Variants in PRDM16 observed in about 807,000 individuals in gnomAD.
The protein encoded by PRDM16 is PR/SET domain 16.
Under a neutral mutation model 110.6 loss-of-function variants are expected in PRDM16, and 23 were observed. That is an observed-to-expected ratio of 0.21 (90% CI 0.15 to 0.29). The LOEUF is 0.29. Among genes scored for constraint, PRDM16 ranks in the 10% least tolerant of loss-of-function variants. The pLI, the probability that PRDM16 is intolerant of heterozygous loss-of-function variation, is 1.00. For synonymous variants in PRDM16, 799 were observed against 781.8 expected, an observed-to-expected ratio of 1.02 and a Z score of -0.37; for missense variants, 1,615 against 1,794.3, an observed-to-expected ratio of 0.90 and a Z score of 1.81.
chr1:3,117,974 CTG>C (rs1229348245), intron 1 of PRDM16, among the ~76,000 whole-genome samples: 8 of 151,888 alleles, frequency 5.3e-5, no homozygotes, highest in Admixed American at 2.0e-4. Context: ...CATGCTCATG[CTG>C]TGTGTGTGTA....
At chr1:3,094,815 C>T (rs1231162757) in intron 1 of PRDM16, among the ~76,000 whole-genome samples, 2 of 152,148 alleles carry the variant, frequency 1.3e-5, no homozygotes, top group African/African-American at 2.4e-5. Context: ...GGAGGTGGGG[C>T]CTTGTCCCTG....
chr1:3,410,448 C>G (rs1049864805), intron 8 of PRDM16, among the ~76,000 whole-genome samples: 1 of 152,182 alleles, frequency 6.6e-6, no homozygotes, highest in African/African-American at 2.4e-5. Context: ...GGAATAGTCC[C>G]TCTGCATAGG....
intron 1 of PRDM16, among the ~76,000 whole-genome samples, chr1:3,173,133 G>C (rs757942069): frequency 6.6e-6 from 1 of 152,216 alleles, no homozygotes; most frequent in South Asian, 2.1e-4. Flanking sequence ...GGGCCAGGGA[G>C]CCTCGGCTGT....
At chr1:3,234,722 C>T (rs1295870554) in intron 2 of PRDM16, among the ~76,000 whole-genome samples, 2 of 152,220 alleles carry the variant, frequency 1.3e-5, no homozygotes, top group South Asian at 2.1e-4. Flanking sequence ...TGTAGCAGCT[C>T]GGTAAATTCT....
intron 2 of PRDM16, among the ~76,000 whole-genome samples, chr1:3,233,184 A>G (rs1446755647): frequency 2.0e-5 from 3 of 152,200 alleles, no homozygotes; most frequent in Non-Finnish European, 4.4e-5. Context: ...AGCCTCCAGC[A>G]GCTGCCCCCT....
At chr1:3,250,013 C>T (rs1268284508) in intron 3 of PRDM16, among the ~76,000 whole-genome samples, 1 of 152,226 alleles carries the variant, frequency 6.6e-6, no homozygotes, top group Non-Finnish European at 1.5e-5. Context: ...GCACCGCCCA[C>T]ACCATCCCCT....
chr1:3,355,995 C>T (rs1049234294), intron 3 of PRDM16, among the ~76,000 whole-genome samples: 2 of 152,174 alleles, frequency 1.3e-5, no homozygotes, highest in East Asian at 1.9e-4. Flanking sequence ...TGATGAGTGG[C>T]CCGTTGGTGA....
At chr1:3,072,729 G>T (rs911405630) in intron 1 of PRDM16, among the ~76,000 whole-genome samples, 2 of 152,218 alleles carry the variant, frequency 1.3e-5, no homozygotes, top group Non-Finnish European at 2.9e-5. Flanking sequence ...TCTGAAGGCC[G>T]GTTAGGGCAG....
At chr1:3,385,362 G>A (rs1643178431) in intron 4 of PRDM16, 76 bp downstream of exon 4, 4 of 1,530,462 alleles carry the variant, frequency 2.6e-6, no homozygotes, top group Non-Finnish European at 3.6e-6. Context: ...ATTGGTGGAG[G>A]TGCCGAGGCA....
intron 2 of PRDM16, among the ~76,000 whole-genome samples, chr1:3,217,831 T>C (rs1247729109): frequency 6.6e-6 from 1 of 152,202 alleles, no homozygotes; most frequent in African/African-American, 2.4e-5. Context: ...CTAGAAGTAT[T>C]CGGGATGCCG....
In PRDM16 at chr1:3,402,981, G is replaced by A. The variant is rs375991356; in HGVS notation, c.867G>A (p.Met289Ile). The change falls in exon 6 of 17, where the codon ATG becomes ATA. Residue 289 changes from methionine to isoleucine, a missense_variant. Physicochemically the swap from Met to Ile is conservative, Grantham distance 10 (BLOSUM62 1). Transcript: ENST00000270722. ...ACGAGTGCAAGGACTGCGAGCGGAT[G>A]TTCCCCAACAAGTACAGGTGCCACG... The part of the protein sequence containing the change: ...QAHECKDCER[M>I]FPNKYSLEQH... The A allele has an allele frequency of 3.1e-6, 5 of 1,608,174 alleles. No individual in the cohort carries two copies. Among genetic ancestry groups the A allele is most frequent in the Non-Finnish European group, 4.2e-6 (5 of 1,178,498 alleles).
chr1:3,277,763 A>G (rs796495402), intron 3 of PRDM16, among the ~76,000 whole-genome samples: 8 of 139,078 alleles, frequency 5.8e-5, no homozygotes, highest in African/African-American at 2.2e-4. Flanking sequence ...ACATGCACAC[A>G]CGCGCACACA....
chr1:3,074,052 G>A lies in PRDM16; in HGVS notation c.37+4756G>A, dbSNP rs1413016060. On this transcript the variant is annotated intron_variant, in intron 1 of 16. Coordinates refer to ENST00000270722, the MANE Select transcript of PRDM16 (RefSeq NM_022114.4). Reference sequence around the variant, plus strand: ...GTAGGGGGAGGGAAGACGGTGCAGAGAAACGGAGGCAGAGGGTGGGGGTCT... The same window carrying A: ...GTAGGGGGAGGGAAGACGGTGCAGAAAAACGGAGGCAGAGGGTGGGGGTCT... 4.6e-5 allele frequency among the ~76,000 whole-genome samples: 7 copies of A among 152,336 alleles called. No individual in the cohort carries two copies. In the East Asian group the frequency reaches 1.4e-3, roughly 30 times the overall value.
chr1:3,075,006 C>A (rs1395559638), intron 1 of PRDM16, among the ~76,000 whole-genome samples: 1 of 152,244 alleles, frequency 6.6e-6, no homozygotes, highest in Non-Finnish European at 1.5e-5. Flanking sequence ...TTGGTGGGCC[C>A]AGAGCAGGGG....
intron 3 of PRDM16, among the ~76,000 whole-genome samples, chr1:3,328,367 G>A (rs1641967308): frequency 6.6e-6 from 1 of 152,248 alleles, no homozygotes; most frequent in Non-Finnish European, 1.5e-5. Flanking sequence ...GTGACAACCA[G>A]AGCTATCTCC....
At chr1:3,196,499 T>G (rs1259475731) in intron 2 of PRDM16, among the ~76,000 whole-genome samples, 1 of 152,206 alleles carries the variant, frequency 6.6e-6, no homozygotes, top group Non-Finnish European at 1.5e-5. Context: ...CTGGGGACAC[T>G]TGGCAGAGAG....
intron 1 of PRDM16, among the ~76,000 whole-genome samples, chr1:3,128,874 A>G (rs1169740924): frequency 6.6e-6 from 1 of 152,212 alleles, no homozygotes; most frequent in Non-Finnish European, 1.5e-5. Flanking sequence ...CACTAACACC[A>G]GTCCTGGGGA....
intron 5 of PRDM16, among the ~76,000 whole-genome samples, chr1:3,401,757 A>G (rs1034480584): frequency 2.0e-5 from 3 of 152,276 alleles, no homozygotes; most frequent in Non-Finnish European, 4.4e-5. Flanking sequence ...ACACATGCAG[A>G]CAGAAACACG....
chr1:3,209,390 C>A lies in PRDM16; in HGVS notation c.387+22916C>A, dbSNP rs561340633. ...CGACTGGCACACCTGCCCCGAGTCA[C>A]CTGGGACGGACTGCAGCCAGCCAGC... On this transcript the variant is annotated intron_variant, in intron 2 of 16. Transcript: ENST00000270722. This position sits in a 1 kb window ranked among gnomAD's most constrained non-coding sequence, Gnocchi z 4.6. Among the ~76,000 whole-genome samples, 2 of 152,186 alleles carry A rather than the reference C, an allele frequency of 1.3e-5. No individual in the cohort carries two copies. The highest frequency in any genetic ancestry group is 1.9e-4 in the East Asian group (1 of 5,176).
Sources: gnomAD v4.1 joint callset for allele counts (sites outside exome capture counted in the v4.1 genomes callset) on GRCh38, gnomAD v4.1.1 for gene constraint, Gnocchi (gnomAD v3.1) non-coding constraint, MANE v1.5 for transcripts, NCBI Gene and HGNC (gene_info 2026-07-23, HGNC 2026-07-21) for gene names.